Variants in MTREX observed in about 807,000 individuals in gnomAD.
MTREX encodes the protein Mtr4 exosome RNA helicase.
A neutral mutation model predicts 135.4 loss-of-function variants in MTREX; 76 were observed. The ratio of observed to expected loss-of-function variants is 0.56; its 90% CI spans 0.47 to 0.68. The LOEUF (loss-of-function observed/expected upper bound fraction) is 0.68. MTREX is among the 30% of genes least tolerant of loss of function. The probability of loss-of-function intolerance (pLI) is 0.00; values close to 1 mark genes in which losing one functional copy is unlikely to be tolerated. For missense variants in MTREX, 920 were observed against 1,262.1 expected (o/e 0.73, Z 4.11); for synonymous variants, 404 against 401.6 (o/e 1.01, Z -0.07).
At chr5:55,398,753 G>A (rs1750681197) in intron 20 of MTREX, among the ~76,000 whole-genome samples, 1 of 152,136 alleles carries the variant, frequency 6.6e-6, no homozygotes, top group Admixed American at 6.5e-5. Flanking sequence ...TGTCAGGCTT[G>A]TCTGTATTTG....
chr5:55,358,374 C>T (rs2305679), intron 14 of MTREX, among the ~76,000 whole-genome samples, 199 bp from the exon 15 acceptor site: 27 of 152,008 alleles, frequency 1.8e-4, no homozygotes, highest in Non-Finnish European at 3.7e-4. Flanking sequence ...AGTGTGATGT[C>T]GGTTTGAAAC....
At chr5:55,347,189 G>A (rs1226562455) in intron 11 of MTREX, 45 bp downstream of exon 11, 8 of 1,520,848 alleles carry the variant, frequency 5.3e-6, no homozygotes, top group Admixed American at 2.1e-5. Flanking sequence ...GTGAAAATGA[G>A]CGTAAAATAT....
At chr5:55,395,227 G>A (rs1193871250) in intron 19 of MTREX, among the ~76,000 whole-genome samples, 1 of 151,716 alleles carries the variant, frequency 6.6e-6, no homozygotes, top group East Asian at 1.9e-4. Flanking sequence ...TCAACATGGC[G>A]AAACCCCGTC....
intron 25 of MTREX, 61 bp downstream of exon 25, chr5:55,416,193 GT>G: frequency 1.9e-6 from 2 of 1,079,150 alleles, no homozygotes; most frequent in Non-Finnish European, 2.6e-6. Context: ...GGATGGTATT[GT>G]TTTAATTAAA....
At chr5:55,380,702 C>T (rs949702262) in intron 18 of MTREX, among the ~76,000 whole-genome samples, 3 of 151,686 alleles carry the variant, frequency 2.0e-5, no homozygotes, top group Non-Finnish European at 4.4e-5. Context: ...TTTTTTATGC[C>T]GTATTCATAG....
chr5:55,383,609 G>T (rs1213227519), intron 18 of MTREX, among the ~76,000 whole-genome samples: 1 of 151,806 alleles, frequency 6.6e-6, no homozygotes, highest in East Asian at 1.9e-4. Flanking sequence ...TTCTCTTTTT[G>T]ATTTGGCTTT....
At chr5:55,372,114 G>A (rs1750212543) in intron 16 of MTREX, among the ~76,000 whole-genome samples, 1 of 152,108 alleles carries the variant, frequency 6.6e-6, no homozygotes, top group South Asian at 2.1e-4. Context: ...TTCTGGGCGG[G>A]GCAGCAGGAT....
intron 13 of MTREX, among the ~76,000 whole-genome samples, chr5:55,351,729 A>G (rs1749831187): frequency 6.6e-6 from 1 of 152,194 alleles, no homozygotes; most frequent in African/African-American, 2.4e-5. Context: ...ATTTAAACCA[A>G]AGAGCATCTG....
At chr5:55,412,386 A>C (rs755387369) in intron 23 of MTREX, among the ~76,000 whole-genome samples, 1 of 152,242 alleles carries the variant, frequency 6.6e-6, no homozygotes, top group Non-Finnish European at 1.5e-5. Context: ...ATAAAGATCA[A>C]GTGCATACAA....
intron 25 of MTREX, 62 bp from the exon 26 acceptor site, chr5:55,422,816 C>T: frequency 7.3e-7 from 1 of 1,371,300 alleles, no homozygotes; most frequent in Non-Finnish European, 1.0e-6. Context: ...TGCCTCTTAA[C>T]AAAAATTCTG....
At chr5:55,374,264 T>TTATATATATATATATATATA (rs763872215) in intron 16 of MTREX, among the ~76,000 whole-genome samples, 32 of 139,676 alleles carry the variant, frequency 2.3e-4, no homozygotes, top group Middle Eastern at 3.6e-3. Flanking sequence ...CAAAAAACAT[T>TTATATATATATATATATATA]TATATATATA....
At position 55,334,717 on chromosome 5, in the gene MTREX, T is replaced by C. The variant is rs148164140; in HGVS notation, c.516-5293T>C. On this transcript the variant is annotated intron_variant, in intron 5 of 26. Coordinates refer to ENST00000230640, the MANE Select transcript of MTREX (RefSeq NM_015360.5). Reference sequence around the variant, plus strand: ...GACTTCCATCTATTTAGTTCTCTTATGTGTGTTTACATTCAAACCCATTCC... The same window carrying C: ...GACTTCCATCTATTTAGTTCTCTTACGTGTGTTTACATTCAAACCCATTCC... 7.9e-5 allele frequency among the ~76,000 whole-genome samples: 12 copies of C among 152,224 alleles called. No individual in the cohort carries two copies. In the South Asian group the frequency reaches 2.3e-3, roughly 29 times the overall value.
At chr5:55,310,057 A>G (rs1430758956) in intron 1 of MTREX, among the ~76,000 whole-genome samples, 1 of 152,266 alleles carries the variant, frequency 6.6e-6, no homozygotes, top group Non-Finnish European at 1.5e-5. Context: ...TGAAGACAAT[A>G]CATGTATAAT....
chr5:55,417,812 T>C (rs1012757481), intron 25 of MTREX, among the ~76,000 whole-genome samples: 1 of 152,220 alleles, frequency 6.6e-6, no homozygotes, highest in Non-Finnish European at 1.5e-5. Context: ...AATACAATAC[T>C]CATATTTGTA....
intron 16 of MTREX, among the ~76,000 whole-genome samples, chr5:55,373,235 T>G (rs981464790): frequency 1.3e-5 from 2 of 151,718 alleles, no homozygotes; most frequent in African/African-American, 2.4e-5. Context: ...GTATTATGTC[T>G]TGGAGGAAGA....
intron 21 of MTREX, among the ~76,000 whole-genome samples, chr5:55,402,691 T>TA (rs1230840166): frequency 1.3e-5 from 2 of 151,900 alleles, no homozygotes; most frequent in Non-Finnish European, 2.9e-5. Flanking sequence ...AAAGGAAAAC[T>TA]TTAAGTGGTT....
chr5:55,369,471 C>T (rs540371111), intron 16 of MTREX, among the ~76,000 whole-genome samples: 104 of 152,284 alleles, frequency 6.8e-4, no homozygotes, highest in African/African-American at 2.0e-3. Flanking sequence ...TTTCTTTTTA[C>T]ATTCTGATAA....
intron 25 of MTREX, among the ~76,000 whole-genome samples, chr5:55,420,303 G>A (rs556995181): frequency 1.1e-4 from 17 of 152,276 alleles, no homozygotes; most frequent in South Asian, 4.1e-4. Context: ...AGTTCTGTTC[G>A]GGAAAATCTG....
intron 13 of MTREX, among the ~76,000 whole-genome samples, 193 bp downstream of exon 13, chr5:55,351,222 T>C (rs946636435): frequency 7.2e-5 from 11 of 152,140 alleles, no homozygotes; most frequent in Admixed American, 1.3e-4. Flanking sequence ...AAAAAAACAT[T>C]TGTTTCCTTT....
Sources: allele counts gnomAD v4.1 joint callset (sites outside exome capture counted in the v4.1 genomes callset), GRCh38; gene constraint gnomAD v4.1.1; transcripts MANE v1.5; gene names NCBI Gene and HGNC (gene_info 2026-07-23, HGNC 2026-07-21).